Variants in R3HDM2 observed in about 807,000 individuals in gnomAD.
R3HDM2 encodes the protein R3H domain containing 2, also known as R3H domain-containing protein 2.
R3HDM2 carries 38 observed loss-of-function variants against 124.5 expected under a neutral mutation model. That is an observed-to-expected ratio of 0.31 (90% CI 0.24 to 0.40). The LOEUF (loss-of-function observed/expected upper bound fraction) is 0.40, where lower values mean the gene tolerates loss of function less well. R3HDM2 is among the 10% of genes least tolerant of loss of function. R3HDM2 has a pLI of 1.00. For missense variants in R3HDM2, 869 were observed against 1,236.9 expected, an observed-to-expected ratio of 0.70 and a Z score of 4.46; for synonymous variants, 391 against 448.0, an observed-to-expected ratio of 0.87 and a Z score of 1.61.
Position 57,384,412 on chromosome 12 carries a change from T to G in R3HDM2, c.-36+11337A>C, listed in dbSNP as rs548873364. 3.9e-5 allele frequency among the ~76,000 whole-genome samples: 6 copies of G among 152,172 alleles called. No homozygotes were observed. In the South Asian group the frequency reaches 1.0e-3, roughly 26 times the overall value. ...AAGCCTATGTTCCTTGAGATTATTT[T>G]AGAGGTTTAACAAGAGATCAATCAT... is the stretch of plus-strand genomic sequence containing the variant. On this transcript the variant is annotated intron_variant, in intron 2 of 23. Transcript: ENST00000402412.
At chr12:57,319,211 CT>C (rs1476951708) in intron 2 of R3HDM2, among the ~76,000 whole-genome samples, 1 of 151,902 alleles carries the variant, frequency 6.6e-6, no homozygotes. Context: ...AATTTTTGTA[CT>C]TTTAGTAGAG....
At chr12:57,388,320 T>C (rs915231212) in intron 2 of R3HDM2, among the ~76,000 whole-genome samples, 1 of 152,194 alleles carries the variant, frequency 6.6e-6, no homozygotes, top group African/African-American at 2.4e-5. Flanking sequence ...GTGGCAACTA[T>C]CTGGGGCCAG....
rs779959835 is a variant in R3HDM2, at chr12:57,403,031, A to G, written c.-105-7213T>C. The stretch of plus-strand genomic sequence containing the variant: ...GGTAATAACAGTTGCCTCTGGAGAG[A>G]GGCGTAGGAAGTGACTGGTTTGGGG... On this transcript the variant is annotated intron_variant, in intron 1 of 23. Coordinates refer to ENST00000402412, the MANE Select transcript of R3HDM2 (RefSeq NM_001394031.1). 6.0e-4 allele frequency among the ~76,000 whole-genome samples: 92 copies of G among 152,174 alleles called. 1 individual carries two copies. Among genetic ancestry groups the G allele is most frequent in the Admixed American group, 1.6e-3 (24 of 15,268 alleles).
chr12:57,280,612 T>C, intron 13 of R3HDM2, 82 bp from the exon 14 acceptor site: 1 of 1,293,482 alleles, frequency 7.7e-7, no homozygotes, highest in African/African-American at 1.5e-5. Flanking sequence ...CAGAGGGCTC[T>C]ACTTTTTCTT....
intron 2 of R3HDM2, among the ~76,000 whole-genome samples, chr12:57,324,289 T>C (rs2056933582): frequency 6.6e-6 from 1 of 152,168 alleles, no homozygotes; most frequent in Non-Finnish European, 1.5e-5. Flanking sequence ...GTTCAAGCAA[T>C]TCTCCTGCCT....
intron 2 of R3HDM2, among the ~76,000 whole-genome samples, chr12:57,376,672 G>A (rs754385352): frequency 2.6e-5 from 4 of 151,986 alleles, no homozygotes; most frequent in Non-Finnish European, 5.9e-5. Flanking sequence ...ATATGGGGAC[G>A]GGGGCAGTGG....
intron 1 of R3HDM2, chr12:57,430,439 CA>C: frequency 1.2e-6 from 1 of 838,622 alleles, no homozygotes; most frequent in Non-Finnish European, 1.4e-6. Flanking sequence ...TGGAAGGGCG[CA>C]ATAGTTTTTA....
chr12:57,421,448 CTCT>C (rs1382739209), intron 1 of R3HDM2, among the ~76,000 whole-genome samples: 2 of 131,578 alleles, frequency 1.5e-5, no homozygotes, highest in Non-Finnish European at 3.2e-5. Context: ...CCACACCCAG[CTCT>C]TTTTTTTTTT....
rs2052419754 is a variant in R3HDM2 at position 57,305,670 on chromosome 12, G to A, written c.166-2453C>T. 1.0e-5 allele frequency: 4 copies of A among 398,980 alleles called. No individual in the cohort carries two copies. In the East Asian group the frequency reaches 1.4e-4, roughly 14 times the overall value. 24.7% of individuals were successfully genotyped at this position (398,980 alleles called of 1,614,324 possible). On this transcript the variant is annotated intron_variant, in intron 3 of 23. Transcript: ENST00000402412. ...CAAAAAGGAACTCATAATCCTGTTG[G>A]AGAAGACAGACAGACAATTACAATA...
intron 2 of R3HDM2, among the ~76,000 whole-genome samples, chr12:57,349,712 C>T (rs1223485922): frequency 1.3e-5 from 2 of 151,818 alleles, no homozygotes; most frequent in African/African-American, 4.8e-5. Context: ...AAGCATGTGC[C>T]ACCACGCCCG....
At chr12:57,410,993 T>C (rs1189519232) in intron 1 of R3HDM2, among the ~76,000 whole-genome samples, 1 of 152,210 alleles carries the variant, frequency 6.6e-6, no homozygotes, top group Non-Finnish European at 1.5e-5. Context: ...AAGCATACAA[T>C]TCATCTTAAT....
intron 2 of R3HDM2, among the ~76,000 whole-genome samples, chr12:57,361,194 G>A (rs771900080): frequency 6.6e-6 from 1 of 150,846 alleles, no homozygotes; most frequent in Non-Finnish European, 1.5e-5. Context: ...TGACCAACAC[G>A]GAGAAACCCC....
chr12:57,356,480 C>T (rs888431463), intron 2 of R3HDM2, among the ~76,000 whole-genome samples: 2 of 152,136 alleles, frequency 1.3e-5, no homozygotes, highest in Non-Finnish European at 1.5e-5. Context: ...ATATCGTTGG[C>T]TTTAATTTAC....
In R3HDM2 at chr12:57,266,106, C is replaced by CT. The variant is rs74991749; in HGVS notation, c.2131+624dup. On this transcript the variant is annotated intron_variant, in intron 19 of 23. Coordinates refer to ENST00000402412, the MANE Select transcript of R3HDM2 (RefSeq NM_001394031.1). ...GCCTCCGCACCTGGCCATAATTTTTCTTTTTTTTTTTTTTTTTGAGACGGA... is the reference window on the plus strand; with the variant it reads ...GCCTCCGCACCTGGCCATAATTTTTCTTTTTTTTTTTTTTTTTTGAGACGGA... Among the ~76,000 whole-genome samples the CT allele has an allele frequency of 9.3e-3, 1,033 of 111,118 alleles. 8 individuals carry two copies. Among genetic ancestry groups the CT allele is most frequent in the African/African-American group, 0.024 (706 of 29,638 alleles). 72.9% of individuals were successfully genotyped at this position (111,118 alleles called of 152,430 possible). A position where few individuals can be genotyped will look rare whatever the true frequency, so the allele number is the denominator to read the frequency against.
intron 10 of R3HDM2, among the ~76,000 whole-genome samples, chr12:57,293,396 T>A (rs1296887993): frequency 2.0e-5 from 3 of 150,756 alleles, no homozygotes; most frequent in African/African-American, 7.3e-5. Flanking sequence ...TAAGGTACAG[T>A]GGAGGAAGGG....
At chr12:57,358,389 T>G (rs2137475401) in intron 2 of R3HDM2, among the ~76,000 whole-genome samples, 1 of 152,212 alleles carries the variant, frequency 6.6e-6, no homozygotes, top group South Asian at 2.1e-4. Flanking sequence ...GTAATCCTAG[T>G]ACTTCGGGAG....
intron 2 of R3HDM2, among the ~76,000 whole-genome samples, chr12:57,365,478 T>C (rs571687081): frequency 5.8e-4 from 89 of 152,224 alleles, no homozygotes; most frequent in Non-Finnish European, 1.0e-3. Context: ...TGTCTGCTTT[T>C]AAGACTTTAT....
At chr12:57,430,473 G>A (rs1268455667) in intron 1 of R3HDM2, 15 of 953,722 alleles carry the variant, frequency 1.6e-5, no homozygotes, top group Non-Finnish European at 1.9e-5. Flanking sequence ...AAGGCCACAG[G>A]TGGCGCCACC....
intron 2 of R3HDM2, among the ~76,000 whole-genome samples, chr12:57,345,482 G>A (rs1158379197): frequency 6.8e-6 from 1 of 147,940 alleles, no homozygotes; most frequent in African/African-American, 2.5e-5. Flanking sequence ...TGATTCAAAT[G>A]GCTTCATATT....
Sources: allele counts gnomAD v4.1 joint callset (sites outside exome capture counted in the v4.1 genomes callset), GRCh38; gene constraint gnomAD v4.1.1; transcripts MANE v1.5; gene names NCBI Gene and HGNC (gene_info 2026-07-23, HGNC 2026-07-21).